The following DGKI variants were observed in gnomAD, a reference collection of about 807,000 sequenced individuals.
The protein encoded by DGKI is diacylglycerol kinase iota, also known as DAG kinase iota.
In DGKI, 55 loss-of-function variants were observed where a neutral mutation model predicts 147.5. That is an observed-to-expected ratio of 0.37 (90% CI 0.30 to 0.47). The LOEUF is 0.47. Among genes scored for constraint, DGKI ranks in the 20% least tolerant of loss-of-function variants. The probability of loss-of-function intolerance (pLI) is 1.00; values close to 1 mark genes in which losing one functional copy is unlikely to be tolerated. For synonymous variants in DGKI, 469 were observed against 477.1 expected, an observed-to-expected ratio of 0.98 and a Z score of 0.22; for missense variants, 1,007 against 1,323.8, an observed-to-expected ratio of 0.76 and a Z score of 3.71.
At chr7:137,412,667 C>T (rs1585089138) in intron 28 of DGKI, among the ~76,000 whole-genome samples, 2 of 152,168 alleles carry the variant, frequency 1.3e-5, no homozygotes, top group African/African-American at 4.8e-5. Flanking sequence ...TTCCTTCTTT[C>T]TAGTTCCTTC....
At chr7:137,648,397 A>G (rs1821907381) in intron 5 of DGKI, among the ~76,000 whole-genome samples, 1 of 152,244 alleles carries the variant, frequency 6.6e-6, no homozygotes, top group South Asian at 2.1e-4. Flanking sequence ...ATCAACAATT[A>G]TTTAGAAATC....
chr7:137,770,565 G>A (rs1796161177), intron 1 of DGKI, among the ~76,000 whole-genome samples: 4 of 42,214 alleles, frequency 9.5e-5, no homozygotes, highest in Admixed American at 5.5e-4. Context: ...ACGGAGTCTC[G>A]CTCTGTCGCC....
At chr7:137,592,471 C>T (rs550532578) in intron 12 of DGKI, among the ~76,000 whole-genome samples, 12 of 152,236 alleles carry the variant, frequency 7.9e-5, no homozygotes, top group South Asian at 4.1e-4. Context: ...ACCATCTGTC[C>T]GTTTTTAGCA....
chr7:137,635,613 G>A (rs1821282674), intron 6 of DGKI, among the ~76,000 whole-genome samples: 1 of 152,176 alleles, frequency 6.6e-6, no homozygotes, highest in Non-Finnish European at 1.5e-5. Context: ...AGATCCACTG[G>A]ACTATCACGG....
At chr7:137,763,997 A>ATT (rs1344677739) in intron 1 of DGKI, among the ~76,000 whole-genome samples, 2 of 152,362 alleles carry the variant, frequency 1.3e-5, no homozygotes, top group East Asian at 3.9e-4. Flanking sequence ...CAGTGTTTGC[A>ATT]TATTGTCACA....
rs116494951 is a variant in DGKI, at chr7:137,438,272, A to G, written c.2761+5805T>C. On this transcript the variant is annotated intron_variant, in intron 28 of 32. Coordinates refer to ENST00000614521, the MANE Select transcript of DGKI (RefSeq NM_001321708.2). ...GTGGGGAAAAGTGAGTAAAAGAAATAAAAAGACCTTTCATAGAAGAGTAAA... is the reference window on the plus strand; with the variant it reads ...GTGGGGAAAAGTGAGTAAAAGAAATGAAAAGACCTTTCATAGAAGAGTAAA... Among the ~76,000 whole-genome samples the G allele has an allele frequency of 2.0e-3, 298 of 152,270 alleles. 1 individual carries two copies. The highest frequency in any genetic ancestry group is 6.8e-3 in the African/African-American group (282 of 41,586).
intron 8 of DGKI, among the ~76,000 whole-genome samples, chr7:137,617,124 CAAAAAAA>C (rs60654879): frequency 3.0e-3 from 144 of 48,130 alleles, no homozygotes; most frequent in East Asian, 6.6e-3. Context: ...TCCCTTTTAC[CAAAAAAA>C]AAAAAAAAAA....
intron 1 of DGKI, chr7:137,771,986 C>T (rs1215201815): frequency 3.3e-5 from 5 of 151,938 alleles, no homozygotes; most frequent in African/African-American, 1.2e-4. Context: ...GACCTTGTTC[C>T]AATTCAGAGT....
At chr7:137,708,630 C>A (rs1490955484) in intron 1 of DGKI, among the ~76,000 whole-genome samples, 1 of 152,172 alleles carries the variant, frequency 6.6e-6, no homozygotes, top group Non-Finnish European at 1.5e-5. Flanking sequence ...GTTCTAGGCT[C>A]AAAGTAATTG....
At position 137,718,554 on chromosome 7, in the gene DGKI, C is replaced by T. The variant is rs150029421; in HGVS notation, c.402-28552G>A. ...CCTTGGATACGCAAGGCTCCAGACACACAGCTCCAGGCTCAGTGGCACTGC... is the reference window on the plus strand; with the variant it reads ...CCTTGGATACGCAAGGCTCCAGACATACAGCTCCAGGCTCAGTGGCACTGC... On this transcript the variant is annotated intron_variant, in intron 1 of 32. Transcript: ENST00000614521. Among the ~76,000 whole-genome samples, 1,080 of 152,352 alleles carry T rather than the reference C, an allele frequency of 7.1e-3. 15 individuals carry two copies. Among genetic ancestry groups the T allele is most frequent in the African/African-American group, 0.025 (1,031 of 41,586 alleles).
chr7:137,404,052 A>G (rs1003126902), intron 30 of DGKI, among the ~76,000 whole-genome samples: 2 of 152,182 alleles, frequency 1.3e-5, no homozygotes, highest in African/African-American at 2.4e-5. Context: ...GAGTATTTCA[A>G]TCAAGAGAGA....
rs575194121 is a variant in DGKI at position 137,525,884 on chromosome 7, T to TTGTC, written c.2148-3919_2148-3918insGACA. The stretch of plus-strand genomic sequence containing the variant: ...AAACATTTCTGACAAGGTGCTGGGC[T>TTGTC]ACCTCTGGGGGGAGATTGTCTAGCT... On this transcript the variant is annotated intron_variant, in intron 20 of 32. Coordinates refer to ENST00000614521, the MANE Select transcript of DGKI (RefSeq NM_001321708.2). 1.9e-3 allele frequency among the ~76,000 whole-genome samples: 292 copies of TTGTC among 152,240 alleles called. 1 individual carries two copies. The highest frequency in any genetic ancestry group is 6.7e-3 in the African/African-American group (278 of 41,530).
At position 137,577,446 on chromosome 7, in the gene DGKI, T is replaced by A. The variant is rs189212775; in HGVS notation, c.1699-162A>T. On this transcript the variant is annotated intron_variant, in intron 16 of 32. Transcript: ENST00000614521. ...GTAAAGCAGTGCAGTAGTTGTCAAG[T>A]TGAAATTTTTCTCTTTGTTTCCAAA... Among the ~76,000 whole-genome samples, 4 of 152,310 alleles carry A rather than the reference T, an allele frequency of 2.6e-5. No individual in the cohort carries two copies. The East Asian group carries it at 7.7e-4, about 29-fold the overall frequency.
At chr7:137,835,771 T>C (rs757096017) in intron 1 of DGKI, among the ~76,000 whole-genome samples, 9 of 152,212 alleles carry the variant, frequency 5.9e-5, no homozygotes, top group Non-Finnish European at 1.0e-4. Flanking sequence ...TGAGATTAAT[T>C]CAAGTAAGTA....
In DGKI at chr7:137,678,644, G is replaced by A. The variant is rs374165571; in HGVS notation, c.519C>T (p.Ala173=). 102 of 1,613,724 alleles carry A rather than the reference G, an allele frequency of 6.3e-5. No homozygotes were observed. The highest frequency in any genetic ancestry group is 8.2e-5 in the Non-Finnish European group (97 of 1,179,932). Residue 173 remains alanine (A), a synonymous_variant, in exon 3 of 33, where the codon GCC becomes GCT. Coordinates refer to ENST00000614521, the MANE Select transcript of DGKI (RefSeq NM_001321708.2). ...CCAGCCACAGGTGTTCTCCATTCAC[G>A]GCATTCTCCTGCAAGGAAAAGACCC... The part of the protein sequence containing the change: ...PRATLDWSEN[A]VNGEHLWLET...
intron 1 of DGKI, among the ~76,000 whole-genome samples, chr7:137,691,511 C>T (rs77095172): frequency 0.027 from 4,132 of 152,224 alleles, 114 homozygotes; most frequent in Non-Finnish European, 0.039. Flanking sequence ...TGACTCCCAT[C>T]ACAAATGAGT....
Position 137,762,651 on chromosome 7 carries a change from A to G in DGKI, c.402-72649T>C, listed in dbSNP as rs190259660. Among the ~76,000 whole-genome samples the G allele has an allele frequency of 4.0e-3, 613 of 152,228 alleles. 3 individuals are homozygous for G. The highest frequency in any genetic ancestry group is 5.9e-3 in the Non-Finnish European group (401 of 68,006). On this transcript the variant is annotated intron_variant, in intron 1 of 32. Coordinates refer to ENST00000614521, the MANE Select transcript of DGKI (RefSeq NM_001321708.2). ...AACTCCTTTTTTTCAAAACCATTCAAGTATCACCTTCTCCAGATATCTGAT... is the reference window on the plus strand; with the variant it reads ...AACTCCTTTTTTTCAAAACCATTCAGGTATCACCTTCTCCAGATATCTGAT...
At position 137,386,556 on chromosome 7, in the gene DGKI, T is replaced by C. The variant is rs1811182075; in HGVS notation, c.*4664A>G. 1 of 152,160 alleles carries C rather than the reference T, an allele frequency of 6.6e-6. No individual in the cohort carries two copies. Among genetic ancestry groups the C allele is most frequent in the South Asian group, 2.1e-4 (1 of 4,824 alleles). 9.4% of individuals were successfully genotyped at this position (152,160 alleles called of 1,614,324 possible). On this transcript the variant is annotated 3_prime_UTR_variant, in exon 33 of 33. Coordinates refer to ENST00000614521, the MANE Select transcript of DGKI (RefSeq NM_001321708.2). ...CAGAGGGTAATTTCATTTTGATGTA[T>C]TTTGAGCATAATATCTGGGGAAGAT... is the stretch of plus-strand genomic sequence containing the variant.
intron 21 of DGKI, among the ~76,000 whole-genome samples, chr7:137,503,879 A>G: frequency 6.6e-6 from 1 of 152,126 alleles, no homozygotes; most frequent in Non-Finnish European, 1.5e-5. Flanking sequence ...CCTTAATTCT[A>G]TTATCAACAT....
Sources: allele counts gnomAD v4.1 joint callset (sites outside exome capture counted in the v4.1 genomes callset), GRCh38; gene constraint gnomAD v4.1.1; transcripts MANE v1.5; gene names NCBI Gene and HGNC (gene_info 2026-07-23, HGNC 2026-07-21).